The following SSR1 variants were observed in gnomAD, a reference collection of about 807,000 sequenced individuals.
SSR1 encodes the protein signal sequence receptor subunit 1.
SSR1 carries 13 observed loss-of-function variants against 36.1 expected under a neutral mutation model. That is an observed-to-expected ratio of 0.36 (90% CI 0.23 to 0.57). SSR1 has a LOEUF of 0.57. Among genes scored for constraint, SSR1 ranks in the 20% least tolerant of loss-of-function variants. The probability of loss-of-function intolerance (pLI) is 0.81; values close to 1 mark genes in which losing one functional copy is unlikely to be tolerated. For synonymous variants in SSR1, 113 were observed against 118.9 expected, an observed-to-expected ratio of 0.95 and a Z score of 0.32; for missense variants, 291 against 338.5, an observed-to-expected ratio of 0.86 and a Z score of 1.10.
intron 1 of SSR1, 75 bp from the exon 2 acceptor site, chr6:7,310,104 G>A (rs7763680): frequency 2.3e-6 from 3 of 1,278,816 alleles, no homozygotes; most frequent in Admixed American, 2.0e-5. Context: ...ATCAGGTATA[G>A]GCAAAAAAAA....
rs1581624136 is a variant in SSR1 at position 7,287,537 on chromosome 6, C to T, written c.*2327G>A. The T allele has an allele frequency of 6.6e-6, 1 of 152,154 alleles. No homozygotes were observed. The highest frequency in any genetic ancestry group is 1.5e-5 in the Non-Finnish European group (1 of 68,044). 9.4% of individuals were successfully genotyped at this position (152,154 alleles called of 1,614,324 possible). A position where few individuals can be genotyped will look rare whatever the true frequency, so the allele number is the denominator to read the frequency against. ...CCTGAAAGTCACCAGCTATGTAAGA[C>T]CATGAAGTAAATGAGGAAGCTATAC... On this transcript the variant is annotated 3_prime_UTR_variant, in exon 8 of 8. Transcript: ENST00000244763.
intron 4 of SSR1, among the ~76,000 whole-genome samples, chr6:7,299,623 A>G (rs2764090): frequency 0.73 from 110,482 of 151,234 alleles, 40,857 homozygotes; most frequent in African/African-American, 0.82. Context: ...ACTTGTGCCC[A>G]GAAGGCAGAG....
chr6:7,290,514 C>T (rs927318841), intron 7 of SSR1, among the ~76,000 whole-genome samples: 1 of 152,162 alleles, frequency 6.6e-6, no homozygotes, highest in East Asian at 1.9e-4. Context: ...GTTTCCTCAA[C>T]CAGTGAAAGG....
chr6:7,304,835 T>C (rs977786860), intron 2 of SSR1, among the ~76,000 whole-genome samples: 3 of 152,192 alleles, frequency 2.0e-5, no homozygotes, highest in Admixed American at 1.3e-4. Flanking sequence ...TTACATAAAA[T>C]ACTCCTTCCT....
chr6:7,301,074 T>C (rs1489260283), intron 4 of SSR1, among the ~76,000 whole-genome samples: 1 of 152,160 alleles, frequency 6.6e-6, no homozygotes, highest in Admixed American at 6.6e-5. Context: ...AGCACCTTAT[T>C]CCCCTTATCT....
intron 7 of SSR1, 87 bp from the exon 8 acceptor site, chr6:7,290,018 T>C (rs2113271061): frequency 9.2e-7 from 1 of 1,092,462 alleles, no homozygotes; most frequent in East Asian, 2.9e-5. Context: ...CCTTCAACTT[T>C]ACCACTAAGT....
chr6:7,303,479 C>T, intron 3 of SSR1, 71 bp downstream of exon 3: 1 of 1,024,594 alleles, frequency 9.8e-7, no homozygotes, highest in South Asian at 1.5e-5. Flanking sequence ...TATGGGTATT[C>T]AGATATATAT....
chr6:7,304,863 T>C (rs2113294943), intron 2 of SSR1, among the ~76,000 whole-genome samples: 1 of 152,306 alleles, frequency 6.6e-6, no homozygotes, highest in Non-Finnish European at 1.5e-5. Context: ...ATAAAACTTG[T>C]CAAGAGCAAA....
chr6:7,312,907 G>A lies in SSR1; in HGVS notation c.79+135C>T, dbSNP rs1758239265. The A allele has an allele frequency of 3.5e-6, 3 of 857,056 alleles. No homozygotes were observed. The Admixed American group carries it at 6.4e-5, about 18-fold the overall frequency. The allele number at this position is 857,056 out of a possible 1,614,324, so 53.1% of individuals were successfully genotyped here. A position where few individuals can be genotyped will look rare whatever the true frequency, so the allele number is the denominator to read the frequency against. ...CCCTGCTGCTACGAGCCTAGGCTTG[G>A]GGAGAGGGCGGAGAGAGGCCAGCGG... is the stretch of plus-strand genomic sequence containing the variant. On this transcript the variant is annotated intron_variant, in intron 1 of 7. Coordinates refer to ENST00000244763, the MANE Select transcript of SSR1 (RefSeq NM_003144.5).
chr6:7,306,650 C>T (rs1222450869), intron 2 of SSR1, among the ~76,000 whole-genome samples: 3 of 150,806 alleles, frequency 2.0e-5, no homozygotes, highest in Non-Finnish European at 1.5e-5. Context: ...GGTGCAGTGG[C>T]TCATGCCTGT....
rs1383362563 is a variant in SSR1 at position 7,313,031 on chromosome 6, C to A, written c.79+11G>T. The stretch of plus-strand genomic sequence containing the variant: ...CCTGGCCATCCCCTCCGCACACTCC[C>A]CCAGCCTCACCTCTGGGGCCGCCTC... On this transcript the variant is annotated intron_variant, in intron 1 of 7. Coordinates refer to ENST00000244763, the MANE Select transcript of SSR1 (RefSeq NM_003144.5). The A allele has an allele frequency of 1.3e-6, 2 of 1,595,832 alleles. No homozygotes were observed. Among genetic ancestry groups the A allele is most frequent in the Non-Finnish European group, 1.7e-6 (2 of 1,171,440 alleles).
Position 7,297,915 on chromosome 6 carries a change from A to G in SSR1, c.699+8T>C, listed in dbSNP as rs984550706. Reference sequence around the variant, plus strand: ...ACACGGCTGTAAGAGGTGTTCATCCATAATTACCTTTCTAGATTCTAGGAG... The same window carrying G: ...ACACGGCTGTAAGAGGTGTTCATCCGTAATTACCTTTCTAGATTCTAGGAG... On this transcript the variant is annotated splice_region_variant and intron_variant, in intron 6 of 7. Transcript: ENST00000244763. 13 of 1,611,184 alleles carry G rather than the reference A, an allele frequency of 8.1e-6. No individual in the cohort carries two copies. The African/African-American group carries it at 1.5e-4, about 18-fold the overall frequency.
intron 1 of SSR1, among the ~76,000 whole-genome samples, chr6:7,312,783 C>CGGCAAGAGG (rs1758235826): frequency 6.6e-6 from 1 of 152,244 alleles, no homozygotes; most frequent in South Asian, 2.1e-4. Context: ...GGAGCAAGCC[C>CGGCAAGAGG]AGCCCTCGGC....
At chr6:7,301,612 G>C (rs1325313686) in intron 3 of SSR1, 40 bp from the exon 4 acceptor site, 1 of 1,563,666 alleles carries the variant, frequency 6.4e-7, no homozygotes, top group South Asian at 1.2e-5. Flanking sequence ...AGAACACATG[G>C]AAAGAGCACA....
intron 7 of SSR1, chr6:7,294,918 C>T (rs1295330640): frequency 1.0e-5 from 5 of 485,578 alleles, no homozygotes; most frequent in Non-Finnish European, 1.4e-5. Flanking sequence ...AATAAATTGT[C>T]GGGTAATATT....
At chr6:7,306,925 G>GA (rs986904640) in intron 2 of SSR1, among the ~76,000 whole-genome samples, 2 of 143,204 alleles carry the variant, frequency 1.4e-5, no homozygotes, top group African/African-American at 2.6e-5. Flanking sequence ...TGGGTGGTGG[G>GA]GGGGTGGGGG....
Sources: allele counts gnomAD v4.1 joint callset (sites outside exome capture counted in the v4.1 genomes callset), GRCh38; gene constraint gnomAD v4.1.1; transcripts MANE v1.5; gene names NCBI Gene and HGNC (gene_info 2026-07-23, HGNC 2026-07-21).